Variants in PRDM16 observed in about 807,000 individuals in gnomAD.
PRDM16 encodes PR/SET domain 16.
In PRDM16, 23 loss-of-function variants were observed where a neutral mutation model predicts 110.6. The observed-to-expected ratio is 0.21, with a 90% confidence interval of 0.15 to 0.29. The LOEUF (loss-of-function observed/expected upper bound fraction) is 0.29, where lower values mean the gene tolerates loss of function less well. Among genes scored for constraint, PRDM16 ranks in the 10% least tolerant of loss-of-function variants. PRDM16 has a pLI of 1.00. For missense variants in PRDM16, 1,615 were observed against 1,794.3 expected (o/e 0.90, Z 1.81); for synonymous variants, 799 against 781.8 (o/e 1.02, Z -0.37).
At chr1:3,360,976 C>T (rs1381433034) in intron 3 of PRDM16, among the ~76,000 whole-genome samples, 3 of 152,210 alleles carry the variant, frequency 2.0e-5, no homozygotes, top group African/African-American at 4.8e-5. Context: ...GGAGTCTATG[C>T]ACTCTCGTTT....
chr1:3,418,814 G>A (rs544989012), intron 12 of PRDM16, 70 bp downstream of exon 12: 4 of 1,182,638 alleles, frequency 3.4e-6, no homozygotes, highest in Non-Finnish European at 3.8e-6. Context: ...CCACTCCTAG[G>A]AGTAAGTATG....
chr1:3,075,673 A>G (rs1483156685), intron 1 of PRDM16, among the ~76,000 whole-genome samples: 3 of 152,280 alleles, frequency 2.0e-5, no homozygotes, highest in Admixed American at 2.0e-4. Context: ...TCTCCTCTGA[A>G]TAAGGCTCTG....
chr1:3,424,453 G>A (rs1397933837), intron 12 of PRDM16, among the ~76,000 whole-genome samples: 1 of 152,238 alleles, frequency 6.6e-6, no homozygotes, highest in Admixed American at 6.5e-5. Flanking sequence ...GCCTTGCTCT[G>A]ATAAACTCAG....
Position 3,426,151 on chromosome 1 carries a change from C to T in PRDM16, c.3210C>T (p.Asp1070=), listed in dbSNP as rs1408885025. 1.7e-5 allele frequency: 27 copies of T among 1,613,318 alleles called. No homozygotes were observed. Among genetic ancestry groups the T allele is most frequent in the Non-Finnish European group, 2.1e-5 (25 of 1,179,326 alleles). ...ACGCACTTTTAGACGAGAAAGAAGA[C>T]TCTTATTTCTCGGAAATCAGAAACT... ...DNHALLDEKE[D]SYFSEIRNFI... Residue 1070 remains aspartate (D), a synonymous_variant, in exon 14 of 17, where the codon GAC becomes GAT. Transcript: ENST00000270722.
intron 3 of PRDM16, among the ~76,000 whole-genome samples, chr1:3,282,656 C>G (rs1640733963): frequency 6.6e-6 from 1 of 152,202 alleles, no homozygotes. Context: ...AAAAACTCGC[C>G]AAGAGAGCAG....
At chr1:3,344,211 C>T (rs919257543) in intron 3 of PRDM16, among the ~76,000 whole-genome samples, 3 of 152,042 alleles carry the variant, frequency 2.0e-5, no homozygotes, top group Admixed American at 6.6e-5. Context: ...GATGGTGCAC[C>T]GTCATAGTCC....
At chr1:3,130,528 CCT>C (rs1557470306) in intron 1 of PRDM16, among the ~76,000 whole-genome samples, 1 of 152,332 alleles carries the variant, frequency 6.6e-6, no homozygotes, top group African/African-American at 2.4e-5. Flanking sequence ...AGGGCTGCCC[CCT>C]GTCTATAGGT....
rs367974654 is a variant in PRDM16 at position 3,201,048 on chromosome 1, C to T, written c.387+14574C>T. Among the ~76,000 whole-genome samples, 4 of 152,006 alleles carry T rather than the reference C, an allele frequency of 2.6e-5. No individual in the cohort carries two copies. Among genetic ancestry groups the T allele is most frequent in the African/African-American group, 7.2e-5 (3 of 41,384 alleles). ...TGTGAGTCCAGGGTCAACCCTTAGC[C>T]GGAGTGGGGACTCCGGGGAAGGCCA... On this transcript the variant is annotated intron_variant, in intron 2 of 16. Coordinates refer to ENST00000270722, the MANE Select transcript of PRDM16 (RefSeq NM_022114.4). This position sits in a 1 kb window ranked among gnomAD's most constrained non-coding sequence, Gnocchi z 4.1.
chr1:3,235,433 C>A (rs1417149064), intron 2 of PRDM16, among the ~76,000 whole-genome samples: 1 of 152,218 alleles, frequency 6.6e-6, no homozygotes, highest in Non-Finnish European at 1.5e-5. Context: ...GGACATCAAT[C>A]TTCCGGAAGC....
At position 3,433,993 on chromosome 1, in the gene PRDM16, T is replaced by A; in HGVS notation, c.*182T>A. 1.6e-6 allele frequency: 1 copy of A among 626,020 alleles called. No individual in the cohort carries two copies. Among genetic ancestry groups the A allele is most frequent in the Non-Finnish European group, 2.7e-6 (1 of 365,634 alleles). The allele number at this position is 626,020 out of a possible 1,614,324, so 38.8% of individuals were successfully genotyped here. The stretch of plus-strand genomic sequence containing the variant: ...CAGATCCCAAAAGTCCCTAAAGCAG[T>A]CGTAGAGTCTCACCATCTCCAAGGA... On this transcript the variant is annotated 3_prime_UTR_variant, in exon 17 of 17. Coordinates refer to ENST00000270722, the MANE Select transcript of PRDM16 (RefSeq NM_022114.4).
chr1:3,366,337 C>T (rs908951117), intron 3 of PRDM16, among the ~76,000 whole-genome samples: 13 of 152,224 alleles, frequency 8.5e-5, no homozygotes, highest in African/African-American at 2.7e-4. Context: ...CGGGAAGGCA[C>T]GCACTCTCTG....
chr1:3,294,508 C>T (rs1247284193), intron 3 of PRDM16, among the ~76,000 whole-genome samples: 1 of 152,134 alleles, frequency 6.6e-6, no homozygotes, highest in Non-Finnish European at 1.5e-5. Context: ...GGTCAGTGTC[C>T]AGCCCCTCTG....
rs1397222943 is a variant in PRDM16, at chr1:3,081,163, G to C, written c.37+11867G>C. On this transcript the variant is annotated intron_variant, in intron 1 of 16. Coordinates refer to ENST00000270722, the MANE Select transcript of PRDM16 (RefSeq NM_022114.4). The surrounding 1 kb of genome is among the most constrained non-coding windows in gnomAD (Gnocchi z 4.6). ...TCGAAGGTGTTAGTCTTACCTTCCC[G>C]AGGTTAGATAAAGCCGCTAAAAGCT... Among the ~76,000 whole-genome samples the C allele has an allele frequency of 6.6e-6, 1 of 152,196 alleles. No individual in the cohort carries two copies. The highest frequency in any genetic ancestry group is 1.5e-5 in the Non-Finnish European group (1 of 68,036).
rs144496581 is a variant in PRDM16 at position 3,090,059 on chromosome 1, C to A, written c.37+20763C>A. On this transcript the variant is annotated intron_variant, in intron 1 of 16. Transcript: ENST00000270722. ...GCTTCACCGGACAAATAAGATATAA[C>A]CCCCGCAAAGTAAACTGCCATACAA... Among the ~76,000 whole-genome samples, 468 of 152,298 alleles carry A rather than the reference C, an allele frequency of 3.1e-3. 1 individual carries two copies. Among genetic ancestry groups the A allele is most frequent in the African/African-American group, 0.011 (449 of 41,556 alleles).
chr1:3,366,415 C>T (rs761719775), intron 3 of PRDM16, among the ~76,000 whole-genome samples: 6 of 152,210 alleles, frequency 3.9e-5, no homozygotes, highest in Non-Finnish European at 8.8e-5. Flanking sequence ...TGCCTGTTCG[C>T]GCTCAGTATG....
chr1:3,371,311 GCATCCATTGAATCATCCATCCATT>G (rs1307504061), intron 3 of PRDM16, among the ~76,000 whole-genome samples: 15 of 132,590 alleles, frequency 1.1e-4, no homozygotes, highest in African/African-American at 4.1e-4. Context: ...ATCCATCCAT[GCATCCATTGAATCATCCATCCATT>G]CATCCATTCA....
intron 3 of PRDM16, among the ~76,000 whole-genome samples, chr1:3,274,680 G>A (rs1569972895): frequency 6.6e-6 from 1 of 152,248 alleles, no homozygotes; most frequent in Non-Finnish European, 1.5e-5. Context: ...TCTGCGAGCT[G>A]CGTGATTATT....
At chr1:3,194,134 G>T (rs534333554) in intron 2 of PRDM16, among the ~76,000 whole-genome samples, 115 of 152,338 alleles carry the variant, frequency 7.5e-4, no homozygotes, top group African/African-American at 2.6e-3. Flanking sequence ...GGGACAGGTG[G>T]GAGGGCTGAG....
chr1:3,246,908 C>T lies in PRDM16; in HGVS notation c.438+2771C>T, dbSNP rs182298891. Among the ~76,000 whole-genome samples, 2 of 152,118 alleles carry T rather than the reference C, an allele frequency of 1.3e-5. No homozygotes were observed. The highest frequency in any genetic ancestry group is 2.9e-5 in the Non-Finnish European group (2 of 68,014). ...CAGGAAGACCAGGACAGACAGCCCT[C>T]GAGTGGGCGTCAGTCCAGACGGAGA... On this transcript the variant is annotated intron_variant, in intron 3 of 16. Coordinates refer to ENST00000270722, the MANE Select transcript of PRDM16 (RefSeq NM_022114.4). This position sits in a 1 kb window ranked among gnomAD's most constrained non-coding sequence, Gnocchi z 5.2.
Sources: allele counts gnomAD v4.1 joint callset (sites outside exome capture counted in the v4.1 genomes callset), GRCh38; gene constraint gnomAD v4.1.1; non-coding constraint Gnocchi (gnomAD v3.1); transcripts MANE v1.5; gene names NCBI Gene and HGNC (gene_info 2026-07-23, HGNC 2026-07-21).